CD36: variants seen among roughly 807,000 people sequenced by gnomAD.
CD36 encodes the protein CD36 molecule (CD36 blood group).
In CD36, 119 loss-of-function variants were observed where a neutral mutation model predicts 55.2. The observed-to-expected ratio is 2.15, with a 90% CI of 1.86 to 2.51. The LOEUF (loss-of-function observed/expected upper bound fraction) is 2.51. Ranked by LOEUF, CD36 falls within the 30% of genes most tolerant of loss-of-function variation. CD36 has a pLI of 0.00. For synonymous variants in CD36, 186 were observed against 193.6 expected (o/e 0.96, Z 0.33); for missense variants, 819 against 555.5 (o/e 1.47, Z -4.77).
intron 3 of CD36, chr7:80,647,147 A>C: frequency 2.8e-6 from 1 of 354,426 alleles, no homozygotes; most frequent in Admixed American, 3.9e-5. Context: ...GTTTTAAGTT[A>C]TGTCCAAAGA....
intron 1 of CD36, among the ~76,000 whole-genome samples, chr7:80,616,562 C>G (rs1338496997): frequency 1.3e-5 from 2 of 151,994 alleles, no homozygotes; most frequent in African/African-American, 4.8e-5. Context: ...TATTATTTGA[C>G]AAATACTATG....
chr7:80,651,548 A>G (rs905363384), intron 3 of CD36, among the ~76,000 whole-genome samples: 4 of 152,156 alleles, frequency 2.6e-5, no homozygotes, highest in African/African-American at 4.8e-5. Flanking sequence ...CTTGAAAACA[A>G]TGATCCTTCT....
intron 1 of CD36, among the ~76,000 whole-genome samples, 195 bp downstream of exon 1, chr7:80,638,941 C>G (rs1431203129): frequency 2.0e-5 from 3 of 151,866 alleles, no homozygotes; most frequent in African/African-American, 7.2e-5. Context: ...AGTTATCAAC[C>G]TTCCTATATT....
At chr7:80,661,747 A>T (rs1796548020) in intron 5 of CD36, among the ~76,000 whole-genome samples, 1 of 152,222 alleles carries the variant, frequency 6.6e-6, no homozygotes, top group African/African-American at 2.4e-5. Context: ...GGGAGAAAAA[A>T]AGAGTATATA....
intron 12 of CD36, 136 bp downstream of exon 12, chr7:80,672,979 T>TCATTATTAAATGCTTATG (rs1797863409): frequency 1.4e-6 from 1 of 697,566 alleles, no homozygotes; most frequent in Non-Finnish European, 2.6e-6. Context: ...ATGTCACCAA[T>TCATTATTAAATGCTTATG]CATTATTAAA....
chr7:80,666,733 A>T (rs1797127901), intron 8 of CD36, among the ~76,000 whole-genome samples: 1 of 152,246 alleles, frequency 6.6e-6, no homozygotes, highest in South Asian at 2.1e-4. Flanking sequence ...TTTGCTTTGT[A>T]AAAACTTTAC....
intron 1 of CD36, among the ~76,000 whole-genome samples, chr7:80,620,009 A>G (rs990281001): frequency 2.0e-5 from 3 of 152,218 alleles, no homozygotes; most frequent in Non-Finnish European, 4.4e-5. Flanking sequence ...TTGAGCAAAG[A>G]AAGTGTTTTT....
rs1367306909 is a variant in CD36 at position 80,656,535 on chromosome 7, C to A, written c.121-5C>A. On this transcript the variant is annotated splice_region_variant and splice_polypyrimidine_tract_variant and intron_variant, in intron 3 of 14. Transcript: ENST00000447544. ...CATAACCCAAACTTATTTTCTTTTT[C>A]ATAGCAAGTTGTCCTCGAAGAAGGT... is the stretch of plus-strand genomic sequence containing the variant. 1 of 1,613,028 alleles carries A rather than the reference C, an allele frequency of 6.2e-7. No individual in the cohort carries two copies. Among genetic ancestry groups the A allele is most frequent in the East Asian group, 2.2e-5 (1 of 44,758 alleles).
rs1002957067 is a variant in CD36 at position 80,678,021 on chromosome 7, T to C, written c.*1638T>C. On this transcript the variant is annotated 3_prime_UTR_variant, in exon 15 of 15. Transcript: ENST00000447544. Reference sequence around the variant, plus strand: ...TACAAAGACAACGAGATTAAAAATATGCAGTAGGAAAAATAATTACTTAAG... The same window carrying C: ...TACAAAGACAACGAGATTAAAAATACGCAGTAGGAAAAATAATTACTTAAG... 3 of 152,130 alleles carry C rather than the reference T, an allele frequency of 2.0e-5. No homozygotes were observed. Among genetic ancestry groups the C allele is most frequent in the African/African-American group, 7.2e-5 (3 of 41,424 alleles). 9.4% of individuals were successfully genotyped at this position (152,130 alleles called of 1,614,324 possible). A position where few individuals can be genotyped will look rare whatever the true frequency, so the allele number is the denominator to read the frequency against.
At chr7:80,666,512 C>A (rs758909152) in intron 8 of CD36, 23 bp downstream of exon 8, 3 of 1,580,684 alleles carry the variant, frequency 1.9e-6, no homozygotes, top group South Asian at 1.1e-5. Context: ...GTTTTGTGGT[C>A]ATCACAGTTA....
chr7:80,637,870 T>G (rs552779229), upstream of CD36, among the ~76,000 whole-genome samples: 1 of 151,344 alleles, frequency 6.6e-6, no homozygotes, highest in Admixed American at 6.6e-5. Flanking sequence ...TTCCCCAAAG[T>G]GCAAGGCCTT....
In CD36 at chr7:80,646,722, C is replaced by A; in HGVS notation, c.-19C>A. On this transcript the variant is annotated 5_prime_UTR_variant, in exon 3 of 15. Transcript: ENST00000447544. ...AAGAAACAGGTGCTTAACACTAATTCACCTCCTGAACAAGAAAAATGGGCT... is the reference window on the plus strand; with the variant it reads ...AAGAAACAGGTGCTTAACACTAATTAACCTCCTGAACAAGAAAAATGGGCT... 6.2e-7 allele frequency: 1 copy of A among 1,613,744 alleles called. No homozygotes were observed. Among genetic ancestry groups the A allele is most frequent in the Middle Eastern group, 1.7e-4 (1 of 6,048 alleles).
At chr7:80,627,874 A>G (rs941163431) in intron 1 of CD36, among the ~76,000 whole-genome samples, 1 of 152,106 alleles carries the variant, frequency 6.6e-6, no homozygotes, top group African/African-American at 2.4e-5. Context: ...CATGTCATTC[A>G]TTCTTGTATT....
chr7:80,673,415 T>G lies in CD36; in HGVS notation c.1254+6T>G. The G allele has an allele frequency of 6.5e-7, 1 of 1,547,894 alleles. No homozygotes were observed. The highest frequency in any genetic ancestry group is 8.9e-7 in the Non-Finnish European group (1 of 1,120,400). ...CTATTCTTTGGCTTAATGAGGTTTG[T>G]ATTTGCAGCTGTTAGTCATTAAAAA... On this transcript the variant is annotated splice_donor_region_variant and intron_variant, in intron 13 of 14. Coordinates refer to ENST00000447544, the MANE Select transcript of CD36 (RefSeq NM_001001548.3).
intron 1 of CD36, among the ~76,000 whole-genome samples, chr7:80,640,723 C>A (rs1794749776): frequency 6.6e-6 from 1 of 151,998 alleles, no homozygotes; most frequent in Admixed American, 6.6e-5. Flanking sequence ...TAATTTCAAA[C>A]CTACAGTAAT....
intron 1 of CD36, among the ~76,000 whole-genome samples, chr7:80,641,315 T>C (rs1279675847): frequency 6.6e-6 from 1 of 152,092 alleles, no homozygotes; most frequent in Non-Finnish European, 1.5e-5. Flanking sequence ...TTTTTACTCA[T>C]GTATAGGGAA....
chr7:80,657,059 C>G (rs1796150591), intron 4 of CD36, among the ~76,000 whole-genome samples: 1 of 151,922 alleles, frequency 6.6e-6, no homozygotes, highest in Admixed American at 6.6e-5. Flanking sequence ...AATATTCCTG[C>G]TGAGGAAAAA....
chr7:80,654,534 A>G (rs1478006141), intron 3 of CD36, among the ~76,000 whole-genome samples: 4 of 152,196 alleles, frequency 2.6e-5, no homozygotes, highest in Non-Finnish European at 5.9e-5. Context: ...TTTGAGCTTC[A>G]ACATCCTCAC....
chr7:80,657,809 T>G lies in CD36; in HGVS notation c.281+1109T>G, dbSNP rs558721422. On this transcript the variant is annotated intron_variant, in intron 4 of 14. Transcript: ENST00000447544. ...CTAAATGTGTATTTTCCCTCATGGA[T>G]AATCACAACTAGTTATACACCATGA... Among the ~76,000 whole-genome samples the G allele has an allele frequency of 2.0e-5, 3 of 152,348 alleles. No individual in the cohort carries two copies. In the East Asian group the frequency reaches 5.8e-4, roughly 29 times the overall value.
Sources: gnomAD v4.1 joint callset for allele counts (sites outside exome capture counted in the v4.1 genomes callset) on GRCh38, gnomAD v4.1.1 for gene constraint, MANE v1.5 for transcripts, NCBI Gene and HGNC (gene_info 2026-07-23, HGNC 2026-07-21) for gene names.